Variants in IGDCC4 observed in about 807,000 individuals in gnomAD.
The protein encoded by IGDCC4 is likely ortholog of mouse neighbor of Punc E11.
Under a neutral mutation model 116.6 loss-of-function variants are expected in IGDCC4, and 72 were observed. The observed-to-expected ratio is 0.62, with a 90% confidence interval of 0.51 to 0.75. The LOEUF (loss-of-function observed/expected upper bound fraction) is 0.75, where lower values mean the gene tolerates loss of function less well. IGDCC4 is among the 30% of genes least tolerant of loss of function. The probability of loss-of-function intolerance (pLI) is 0.00; values close to 1 mark genes in which losing one functional copy is unlikely to be tolerated. For synonymous variants in IGDCC4, 709 were observed against 719.9 expected (o/e 0.98, Z 0.24); for missense variants, 1,501 against 1,662.4 (o/e 0.90, Z 1.69).
At chr15:65,405,883 C>A (rs2140225418) in intron 3 of IGDCC4, among the ~76,000 whole-genome samples, 1 of 152,296 alleles carries the variant, frequency 6.6e-6, no homozygotes, top group South Asian at 2.1e-4. Context: ...GCTGCTCCTA[C>A]CCACAAAAGG....
Position 65,395,216 on chromosome 15 carries a change from G to A in IGDCC4, c.1454C>T (p.Thr485Ile). The A allele has an allele frequency of 6.2e-7, 1 of 1,613,860 alleles. No individual in the cohort carries two copies. Among genetic ancestry groups the A allele is most frequent in the Non-Finnish European group, 8.5e-7 (1 of 1,179,804 alleles). ...CAGGTCCCGAACCTGTAGTTCTGTG[G>A]TGTCGTTGTTCACTGCAAACTGGTA... ...VEYQFAVNND[T>I]TELQVRDLEP... The change falls in exon 8 of 20, where the codon ACC becomes ATC. Residue 485 changes from threonine to isoleucine, a missense_variant. By Grantham distance (89) the Thr-to-Ile change is moderately conservative. Transcript: ENST00000352385.
intron 14 of IGDCC4, 152 bp downstream of exon 14, chr15:65,389,132 G>T: frequency 8.5e-7 from 1 of 1,173,632 alleles, no homozygotes; most frequent in Non-Finnish European, 1.2e-6. Context: ...AGTATGTGTG[G>T]TTGGAGGGAC....
intron 2 of IGDCC4, 42 bp from the exon 3 acceptor site, chr15:65,410,361 G>A: frequency 6.2e-7 from 1 of 1,610,842 alleles, no homozygotes; most frequent in Non-Finnish European, 8.5e-7. Context: ...AAAAGAATAG[G>A]AGAGAGAAGC....
chr15:65,412,116 G>A lies in IGDCC4; in HGVS notation c.71-746C>T, dbSNP rs1455273858. ...GCCTGTGGTCCCAGCTACTCAGGAGGCTGAAGCAAGGAGGATCGCCTGAGC... is the reference window on the plus strand; with the variant it reads ...GCCTGTGGTCCCAGCTACTCAGGAGACTGAAGCAAGGAGGATCGCCTGAGC... On this transcript the variant is annotated intron_variant, in intron 1 of 19. Coordinates refer to ENST00000352385, the MANE Select transcript of IGDCC4 (RefSeq NM_020962.3). Among the ~76,000 whole-genome samples, 4 of 152,310 alleles carry A rather than the reference G, an allele frequency of 2.6e-5. No individual in the cohort carries two copies. The East Asian group carries it at 7.7e-4, about 29-fold the overall frequency.
chr15:65,387,507 C>T (rs1361883830), intron 16 of IGDCC4, among the ~76,000 whole-genome samples: 1 of 152,106 alleles, frequency 6.6e-6, no homozygotes, highest in African/African-American at 2.4e-5. Context: ...CACCACCACG[C>T]CCAGCTAATT....
chr15:65,382,539 A>G lies in IGDCC4; in HGVS notation c.*1470T>C, dbSNP rs1459460295. On this transcript the variant is annotated 3_prime_UTR_variant, in exon 20 of 20. Transcript: ENST00000352385. Reference sequence around the variant, plus strand: ...CCCTAACATTCTATGCTCCTATGAGAGGGCTGAGGTGAAAAACCAAATAAA... The same window carrying G: ...CCCTAACATTCTATGCTCCTATGAGGGGGCTGAGGTGAAAAACCAAATAAA... 1.3e-5 allele frequency: 2 copies of G among 152,596 alleles called. No homozygotes were observed. The highest frequency in any genetic ancestry group is 4.8e-5 in the African/African-American group (2 of 41,438). 9.5% of individuals were successfully genotyped at this position (152,596 alleles called of 1,614,324 possible). A position where few individuals can be genotyped will look rare whatever the true frequency, so the allele number is the denominator to read the frequency against.
intron 3 of IGDCC4, among the ~76,000 whole-genome samples, chr15:65,409,587 G>C (rs1413601369): frequency 6.6e-6 from 1 of 152,234 alleles, no homozygotes; most frequent in African/African-American, 2.4e-5. Flanking sequence ...CCAAGGTCTA[G>C]CCTCTGCTTC....
intron 12 of IGDCC4, among the ~76,000 whole-genome samples, chr15:65,391,446 C>T (rs2091514187): frequency 6.6e-6 from 1 of 152,176 alleles, no homozygotes; most frequent in African/African-American, 2.4e-5. Context: ...TGGACAAGTT[C>T]CTTTTCCTCT....
At chr15:65,402,685 T>A (rs998622643) in intron 3 of IGDCC4, among the ~76,000 whole-genome samples, 198 bp from the exon 4 acceptor site, 1 of 152,098 alleles carries the variant, frequency 6.6e-6, no homozygotes, top group Non-Finnish European at 1.5e-5. Context: ...CTGACCAACA[T>A]GGAGAAACCC....
rs777638624 is a variant in IGDCC4, at chr15:65,383,865, T to C, written c.*144A>G. On this transcript the variant is annotated 3_prime_UTR_variant, in exon 20 of 20. Transcript: ENST00000352385. ...GGGGAGTGAATAATCCATGTTTTCC[T>C]CTCCCCTCAGCCAAAGCAACTTAGG... 5.5e-5 allele frequency: 37 copies of C among 671,664 alleles called. No individual in the cohort carries two copies. The highest frequency in any genetic ancestry group is 6.7e-5 in the Non-Finnish European group (28 of 419,184). The allele number at this position is 671,664 out of a possible 1,614,324, so 41.6% of individuals were successfully genotyped here.
chr15:65,391,980 G>A lies in IGDCC4; in HGVS notation c.2124C>T (p.Val708=), dbSNP rs777128424. 1.2e-5 allele frequency: 19 copies of A among 1,608,310 alleles called. No individual in the cohort carries two copies. Among genetic ancestry groups the A allele is most frequent in the Non-Finnish European group, 1.6e-5 (19 of 1,177,144 alleles). ...GCTTCACCTCGTACAGCCGGCCAGG[G>A]ACTGGGGAAGGTTACAGGGCTTAAT... is the stretch of plus-strand genomic sequence containing the variant. ...KVKQYELTQL[V]PGRLYEVKLV... Residue 708 remains valine, a splice_region_variant and synonymous_variant, in exon 12 of 20, where the codon GTC becomes GTT. Transcript: ENST00000352385.
chr15:65,392,352 T>A lies in IGDCC4; in HGVS notation c.1904A>T (p.Glu635Val), dbSNP rs75405617. ...NQSHVPFAPA[E>V]LKVQAKMESL... is the part of the protein sequence containing the mutation. ...CTCCATCTTTGCCTGCACCTTCAACTCTGCAGGGGCAAAAGGGACTGGGGG... is the reference window on the plus strand; with the variant it reads ...CTCCATCTTTGCCTGCACCTTCAACACTGCAGGGGCAAAAGGGACTGGGGG... Residue 635 changes from glutamate (E) to valine (V), a missense_variant, in exon 11 of 20, where the codon GAG becomes GTG. Coordinates refer to ENST00000352385, the MANE Select transcript of IGDCC4 (RefSeq NM_020962.3). The A allele has an allele frequency of 6.5e-7, 1 of 1,539,600 alleles. No homozygotes were observed. Among genetic ancestry groups the A allele is most frequent in the Non-Finnish European group, 8.8e-7 (1 of 1,140,206 alleles).
intron 13 of IGDCC4, 37 bp downstream of exon 13, chr15:65,390,118 C>T (rs2140195592): frequency 4.6e-6 from 7 of 1,517,502 alleles, no homozygotes; most frequent in East Asian, 2.3e-5. Context: ...CCTATTCTTC[C>T]TCCCTTCTTT....
chr15:65,396,766 C>T (rs1595783000), intron 6 of IGDCC4, 68 bp downstream of exon 6: 1 of 1,521,336 alleles, frequency 6.6e-7, no homozygotes, highest in African/African-American at 1.4e-5. Flanking sequence ...CCCACCCGTC[C>T]ACCTCCCCCT....
Position 65,384,816 on chromosome 15 carries a change from G to A in IGDCC4, c.3342+138C>T. ...GCCCTCCACCTACTCAACCTTTGGA[G>A]GCTCCAGGGGTCTCCTGGCTAGACT... On this transcript the variant is annotated intron_variant, in intron 19 of 19. Transcript: ENST00000352385. The surrounding 1 kb of genome is among the most constrained non-coding windows in gnomAD (Gnocchi z 4.9). The A allele has an allele frequency of 1.7e-6, 2 of 1,162,818 alleles. No individual in the cohort carries two copies. The highest frequency in any genetic ancestry group is 2.4e-6 in the Non-Finnish European group (2 of 846,950). The allele number at this position is 1,162,818 out of a possible 1,614,324, so 72.0% of individuals were successfully genotyped here.
chr15:65,401,385 C>G (rs777737811), intron 4 of IGDCC4, among the ~76,000 whole-genome samples: 3 of 152,222 alleles, frequency 2.0e-5, no homozygotes, highest in Non-Finnish European at 4.4e-5. Context: ...AAAAGGCAGA[C>G]AGTGGGCTTG....
At chr15:65,417,591 AC>A (rs2063156153) in intron 1 of IGDCC4, among the ~76,000 whole-genome samples, 1 of 151,818 alleles carries the variant, frequency 6.6e-6, no homozygotes, top group Non-Finnish European at 1.5e-5. Context: ...CGCAGTTATC[AC>A]TCCAGATTTT....
At chr15:65,395,070 C>A in intron 8 of IGDCC4, 24 bp downstream of exon 8, 1 of 1,586,066 alleles carries the variant, frequency 6.3e-7, no homozygotes, top group Admixed American at 1.7e-5. Flanking sequence ...CCCAAGCTGC[C>A]CACTGCGAGT....
In IGDCC4 at chr15:65,406,870, T is replaced by A. The variant is rs141961575; in HGVS notation, c.563+3308A>T. Among the ~76,000 whole-genome samples the A allele has an allele frequency of 4.3e-3, 652 of 152,202 alleles. 4 individuals are homozygous for A. Among genetic ancestry groups the A allele is most frequent in the African/African-American group, 0.015 (626 of 41,534 alleles). On this transcript the variant is annotated intron_variant, in intron 3 of 19. Coordinates refer to ENST00000352385, the MANE Select transcript of IGDCC4 (RefSeq NM_020962.3). ...CACGGGATGACGCCTGAGCTAGACGTTGGGGGTGGTGGGGAGGTCTGAAAC... is the reference window on the plus strand; with the variant it reads ...CACGGGATGACGCCTGAGCTAGACGATGGGGGTGGTGGGGAGGTCTGAAAC...
Sources: gnomAD v4.1 joint callset for allele counts (sites outside exome capture counted in the v4.1 genomes callset) on GRCh38, gnomAD v4.1.1 for gene constraint, Gnocchi (gnomAD v3.1) non-coding constraint, MANE v1.5 for transcripts, NCBI Gene and HGNC (gene_info 2026-07-23, HGNC 2026-07-21) for gene names.